Variants in PPP4R2 observed in about 807,000 individuals in gnomAD.
The protein encoded by PPP4R2 is serine/threonine-protein phosphatase 4 regulatory subunit 2.
Under a neutral mutation model 47.2 loss-of-function variants are expected in PPP4R2, and 13 were observed. The observed-to-expected ratio is 0.28, with a 90% confidence interval of 0.18 to 0.44. The LOEUF (loss-of-function observed/expected upper bound fraction) is 0.44. PPP4R2 is among the 20% of genes least tolerant of loss of function. The pLI is 1.00. For missense variants in PPP4R2, 421 were observed against 491.2 expected (o/e 0.86, Z 1.35); for synonymous variants, 151 against 163.3 (o/e 0.92, Z 0.57).
intron 3 of PPP4R2, among the ~76,000 whole-genome samples, chr3:73,057,367 G>T (rs925590927): frequency 6.6e-6 from 1 of 152,024 alleles, no homozygotes; most frequent in African/African-American, 2.4e-5. Flanking sequence ...CCATTTAAAA[G>T]GATTCTTCAT....
chr3:73,013,320 A>G (rs946801228), intron 2 of PPP4R2, among the ~76,000 whole-genome samples: 4 of 152,328 alleles, frequency 2.6e-5, no homozygotes, highest in East Asian at 3.9e-4. Context: ...TTCTATTTAC[A>G]TCTTCATTTT....
chr3:73,006,745 T>G (rs557832027), intron 2 of PPP4R2, among the ~76,000 whole-genome samples: 1 of 152,342 alleles, frequency 6.6e-6, no homozygotes. Flanking sequence ...GTCTATTCAC[T>G]CATTGCTAGA....
chr3:73,010,187 T>C (rs1181493053), intron 2 of PPP4R2, among the ~76,000 whole-genome samples: 2 of 152,208 alleles, frequency 1.3e-5, no homozygotes, highest in African/African-American at 4.8e-5. Context: ...TTTTTCGTTA[T>C]CAGTTAACCA....
chr3:73,048,847 T>C (rs931625001), intron 3 of PPP4R2, among the ~76,000 whole-genome samples: 3 of 152,238 alleles, frequency 2.0e-5, no homozygotes, highest in African/African-American at 7.2e-5. Context: ...CATATTCCAC[T>C]GTTTTTAGGT....
intron 1 of PPP4R2, 48 bp downstream of exon 1, chr3:72,997,119 G>T (rs756276349): frequency 1.3e-5 from 17 of 1,302,130 alleles, no homozygotes; most frequent in Non-Finnish European, 1.7e-5. Flanking sequence ...TCTCCGGCTC[G>T]CTCTTCTCTC....
intron 2 of PPP4R2, among the ~76,000 whole-genome samples, chr3:73,033,282 T>G (rs1251769859): frequency 6.6e-6 from 1 of 152,240 alleles, no homozygotes; most frequent in Non-Finnish European, 1.5e-5. Context: ...TTTCATTGCT[T>G]TCTTTGACAC....
intron 3 of PPP4R2, among the ~76,000 whole-genome samples, chr3:73,053,991 G>C (rs995196772): frequency 1.3e-5 from 2 of 151,878 alleles, no homozygotes; most frequent in Non-Finnish European, 2.9e-5. Flanking sequence ...GGTGGGGACA[G>C]AGTGTTGCTC....
intron 3 of PPP4R2, among the ~76,000 whole-genome samples, chr3:73,047,811 C>T (rs1242759850): frequency 6.6e-6 from 1 of 152,116 alleles, no homozygotes; most frequent in Non-Finnish European, 1.5e-5. Flanking sequence ...TTTTTGGCCG[C>T]TTGTAAAACA....
At chr3:73,027,122 T>A (rs1401594458) in intron 2 of PPP4R2, among the ~76,000 whole-genome samples, 2 of 152,142 alleles carry the variant, frequency 1.3e-5, no homozygotes, top group Non-Finnish European at 2.9e-5. Flanking sequence ...CAAATATGAA[T>A]CTATTCCCCT....
intron 2 of PPP4R2, among the ~76,000 whole-genome samples, chr3:73,007,719 C>G (rs1701641600): frequency 1.3e-5 from 2 of 152,144 alleles, no homozygotes; most frequent in African/African-American, 4.8e-5. Flanking sequence ...GAACTCTTGA[C>G]CTCAAGTGAT....
chr3:73,067,574 A>G lies in PPP4R2; in HGVS notation c.*1852A>G, dbSNP rs1222368075. 6.6e-6 allele frequency: 1 copy of G among 152,176 alleles called. No homozygotes were observed. Among genetic ancestry groups the G allele is most frequent in the South Asian group, 2.1e-4 (1 of 4,832 alleles). The allele number at this position is 152,176 out of a possible 1,614,324, so 9.4% of individuals were successfully genotyped here. A position where few individuals can be genotyped will look rare whatever the true frequency, so the allele number is the denominator to read the frequency against. ...TGTAAATTTTTAAAAAATTTTTCAA[A>G]AATGTTAAAATGAGGCAAATTTAAG... On this transcript the variant is annotated 3_prime_UTR_variant, in exon 9 of 9. Coordinates refer to ENST00000356692, the MANE Select transcript of PPP4R2 (RefSeq NM_174907.4).
intron 2 of PPP4R2, among the ~76,000 whole-genome samples, chr3:73,028,454 G>GT (rs1168546222): frequency 2.6e-5 from 4 of 152,018 alleles, no homozygotes; most frequent in African/African-American, 9.6e-5. Flanking sequence ...ATAAATCCAG[G>GT]TAGAAGACTT....
At chr3:73,026,175 T>C (rs1346427044) in intron 2 of PPP4R2, among the ~76,000 whole-genome samples, 1 of 152,168 alleles carries the variant, frequency 6.6e-6, no homozygotes, top group Non-Finnish European at 1.5e-5. Flanking sequence ...AATAAATAAT[T>C]GTAGCTCTAT....
rs1703047062 is a variant in PPP4R2, at chr3:73,068,553, A to T, written c.*2831A>T. On this transcript the variant is annotated 3_prime_UTR_variant, in exon 9 of 9. Coordinates refer to ENST00000356692, the MANE Select transcript of PPP4R2 (RefSeq NM_174907.4). Reference sequence around the variant, plus strand: ...CCTGCTTAGGGTTTATTGTAACTACACCTTTCAGACGTGTGTTTTGGAGTA... The same window carrying T: ...CCTGCTTAGGGTTTATTGTAACTACTCCTTTCAGACGTGTGTTTTGGAGTA... The T allele has an allele frequency of 6.6e-6, 1 of 152,174 alleles. No individual in the cohort carries two copies. Among genetic ancestry groups the T allele is most frequent in the Non-Finnish European group, 1.5e-5 (1 of 68,030 alleles). 9.4% of individuals were successfully genotyped at this position (152,174 alleles called of 1,614,324 possible). A position where few individuals can be genotyped will look rare whatever the true frequency, so the allele number is the denominator to read the frequency against.
chr3:73,018,647 C>G lies in PPP4R2; in HGVS notation c.116+20489C>G, dbSNP rs142677505. Among the ~76,000 whole-genome samples the G allele has an allele frequency of 2.2e-3, 332 of 152,030 alleles. 1 individual carries two copies. Among genetic ancestry groups the G allele is most frequent in the African/African-American group, 7.8e-3 (322 of 41,436 alleles). ...TTCTTACCTTTCCAGTCTTCTCTTT[C>G]CACCATTTGTAACTTTTTCACATTA... On this transcript the variant is annotated intron_variant, in intron 2 of 8. Coordinates refer to ENST00000356692, the MANE Select transcript of PPP4R2 (RefSeq NM_174907.4).
At chr3:73,063,971 A>G in intron 6 of PPP4R2, 32 bp from the exon 7 acceptor site, 1 of 1,554,386 alleles carries the variant, frequency 6.4e-7, no homozygotes, top group Non-Finnish European at 8.7e-7. Flanking sequence ...TTTTATAAAA[A>G]TAGGAAATGA....
intron 2 of PPP4R2, 69 bp downstream of exon 2, chr3:72,998,227 AAAG>A: frequency 1.0e-6 from 1 of 973,728 alleles, no homozygotes; most frequent in East Asian, 2.6e-5. Context: ...GAAAGGGAAA[AAAG>A]TATATTTTGG....
intron 2 of PPP4R2, among the ~76,000 whole-genome samples, chr3:73,006,739 A>G (rs767554716): frequency 2.6e-5 from 4 of 152,212 alleles, no homozygotes; most frequent in Non-Finnish European, 2.9e-5. Context: ...AGAGCAGTCT[A>G]TTCACTCATT....
intron 2 of PPP4R2, among the ~76,000 whole-genome samples, chr3:73,017,714 TCTA>T (rs1302325113): frequency 6.6e-6 from 1 of 152,002 alleles, no homozygotes; most frequent in Non-Finnish European, 1.5e-5. Context: ...TGTGGAGAAG[TCTA>T]CTAAATCCAT....
Sources: gnomAD v4.1 joint callset for allele counts (sites outside exome capture counted in the v4.1 genomes callset) on GRCh38, gnomAD v4.1.1 for gene constraint, MANE v1.5 for transcripts, NCBI Gene and HGNC (gene_info 2026-07-23, HGNC 2026-07-21) for gene names.